The following LCT variants were observed in gnomAD, a reference collection of about 807,000 sequenced individuals.
LCT encodes the protein lactase.
LCT carries 90 observed loss-of-function variants against 173.0 expected under a neutral mutation model. That is an observed-to-expected ratio of 0.52 (90% CI 0.44 to 0.62). The LOEUF is 0.62. LCT is among the 20% of genes least tolerant of loss of function. The pLI is 0.00. For missense variants in LCT, 1,864 were observed against 2,431.4 expected, an observed-to-expected ratio of 0.77 and a Z score of 4.91; for synonymous variants, 853 against 957.6, an observed-to-expected ratio of 0.89 and a Z score of 2.02.
intron 14 of LCT, 136 bp downstream of exon 14, chr2:135,794,505 C>G (rs934425773): frequency 2.2e-6 from 2 of 910,722 alleles, no homozygotes; most frequent in African/African-American, 3.3e-5. Flanking sequence ...TGTGGGGTGG[C>G]GAGCATCTTG....
At position 135,808,747 on chromosome 2, in the gene LCT, C is replaced by T. The variant is rs775945344; in HGVS notation, c.3600G>A (p.Thr1200=). 4.6e-5 allele frequency: 75 copies of T among 1,614,022 alleles called. No individual in the cohort carries two copies. Among genetic ancestry groups the T allele is most frequent in the Non-Finnish European group, 5.5e-5 (65 of 1,180,010 alleles). The change falls in exon 8 of 17, where the codon ACG becomes ACA. Residue 1200 remains threonine (T), a synonymous_variant. Coordinates refer to ENST00000264162, the MANE Select transcript of LCT (RefSeq NM_002299.4). The stretch of plus-strand genomic sequence containing the variant: ...ACGTGTTGAGGCAGAAGACGTCGGC[C>T]GTCGCCCTGATGAACCTCTTCTCTT... ...TEEEKRFIRA[T]ADVFCLNTYY...
chr2:135,804,616 G>A, intron 10 of LCT, 151 bp downstream of exon 10: 1 of 787,796 alleles, frequency 1.3e-6, no homozygotes, highest in Non-Finnish European at 2.0e-6. Flanking sequence ...CTCCAGCCTG[G>A]GTGACAGAGC....
At position 135,790,778 on chromosome 2, in the gene LCT, C is replaced by T; in HGVS notation, c.5215G>A (p.Glu1739Lys). 1 of 1,613,968 alleles carries T rather than the reference C, an allele frequency of 6.2e-7. No homozygotes were observed. Among genetic ancestry groups the T allele is most frequent in the Non-Finnish European group, 8.5e-7 (1 of 1,179,918 alleles). The change falls in exon 15 of 17, where the codon GAA becomes AAA. Residue 1739 changes from glutamate (E) to lysine (K), a missense_variant. Around this residue, in one of 4 missense-constraint regions of LCT, gnomAD observed 514 missense variants for 750.1 expected, o/e 0.69. Coordinates refer to ENST00000264162, the MANE Select transcript of LCT (RefSeq NM_002299.4). This position sits in a 1 kb window ranked among gnomAD's most constrained non-coding sequence, Gnocchi z 4.1. ...FRRILNWLKEEYNDPPIYVTE... is the reference protein window; with the variant it reads ...FRRILNWLKEKYNDPPIYVTE... The stretch of plus-strand genomic sequence containing the variant: ...ACATAAATTGGAGGGTCATTGTATT[C>T]CTCCTTTAACCAGTTCAGGATCCTC...
chr2:135,834,345 C>A (rs2105559408), intron 1 of LCT, among the ~76,000 whole-genome samples: 1 of 151,982 alleles, frequency 6.6e-6, no homozygotes, highest in Middle Eastern at 3.4e-3. Context: ...GCTACCACGC[C>A]TCGCTAATTT....
intron 11 of LCT, among the ~76,000 whole-genome samples, chr2:135,802,178 C>T (rs1030728165): frequency 6.6e-6 from 1 of 152,158 alleles, no homozygotes; most frequent in Non-Finnish European, 1.5e-5. Flanking sequence ...CGATTTGAGG[C>T]ACATCTCCTG....
At chr2:135,791,459 G>A (rs1244209455) in intron 14 of LCT, among the ~76,000 whole-genome samples, 1 of 152,218 alleles carries the variant, frequency 6.6e-6, no homozygotes, top group African/African-American at 2.4e-5. Context: ...CCTGCCACAG[G>A]GGTGCCTGCT....
intron 13 of LCT, among the ~76,000 whole-genome samples, chr2:135,795,493 G>C (rs914237006): frequency 6.6e-6 from 1 of 151,982 alleles, no homozygotes; most frequent in Non-Finnish European, 1.5e-5. Flanking sequence ...ACAGGCATGA[G>C]CCACCACACC....
intron 10 of LCT, among the ~76,000 whole-genome samples, chr2:135,804,541 G>T (rs570652202): frequency 6.6e-6 from 1 of 152,294 alleles, no homozygotes; most frequent in African/African-American, 2.4e-5. Flanking sequence ...AATTAGCTGG[G>T]CATGGTGATG....
chr2:135,809,802 T>G lies in LCT; in HGVS notation c.2545A>C (p.Thr849Pro). The G allele has an allele frequency of 6.2e-7, 1 of 1,614,166 alleles. No homozygotes were observed. Among genetic ancestry groups the G allele is most frequent in the Non-Finnish European group, 8.5e-7 (1 of 1,180,030 alleles). Residue 849 changes from threonine to proline, a missense_variant, in exon 8 of 17, where the codon ACC (threonine) becomes CCC (proline). Coordinates refer to ENST00000264162, the MANE Select transcript of LCT (RefSeq NM_002299.4). The surrounding 1 kb of genome is among the most constrained non-coding windows in gnomAD (Gnocchi z 5.5). ...TSIIEKNGFL[T>P]KGAKRLLPPN... is the part of the protein sequence containing the mutation. ...GGTAGCAGTCTTTTTGCCCCCTTGG[T>G]GAGGAAACCGTTCTTTTCTATGATG...
chr2:135,836,617 G>A lies in LCT; in HGVS notation c.553C>T (p.Gln185Ter). 1 of 1,614,000 alleles carries A rather than the reference G, an allele frequency of 6.2e-7. No homozygotes were observed. The highest frequency in any genetic ancestry group is 8.5e-7 in the Non-Finnish European group (1 of 1,179,870). Residue 185 changes from glutamine to a stop codon, truncating the protein, a stop_gained, in exon 1 of 17, where the codon CAG (glutamine) becomes TAG (stop). Coordinates refer to ENST00000264162, the MANE Select transcript of LCT (RefSeq NM_002299.4). LOFTEE classifies it high-confidence loss of function. Reference protein sequence around the residue: ...LEEVIKELPHQESRASQLQTL... With the variant: ...LEEVIKELPH ...TGGAGTTGTGACGCTCTTGATTCCT[G>A]GTGGGGAAGCTCCTTGATCACTTCC...
chr2:135,807,303 C>A lies in LCT; in HGVS notation c.3998G>T (p.Gly1333Val), dbSNP rs2077684833. The change falls in exon 9 of 17, where the codon GGA (glycine) becomes GTA (valine). Residue 1333 changes from glycine to valine, a missense_variant. Gly to Val is a moderately radical substitution (Grantham distance 109). Around this residue, in one of 4 missense-constraint regions of LCT, gnomAD observed 755 missense variants for 926.3 expected, o/e 0.82. Coordinates refer to ENST00000264162, the MANE Select transcript of LCT (RefSeq NM_002299.4). ...EWLNGYTVKF[G>V]LYHVDFNNTN... The stretch of plus-strand genomic sequence containing the variant: ...GTTGTTGAAATCAACATGGTACAGT[C>A]CAAACTTGACCGTGTAGCCATTTAG... 6.2e-7 allele frequency: 1 copy of A among 1,614,178 alleles called. No homozygotes were observed. Among genetic ancestry groups the A allele is most frequent in the Non-Finnish European group, 8.5e-7 (1 of 1,180,026 alleles).
intron 13 of LCT, among the ~76,000 whole-genome samples, chr2:135,796,941 A>ATTTT (rs997582132): frequency 1.7e-5 from 2 of 118,752 alleles, no homozygotes; most frequent in African/African-American, 3.2e-5. Context: ...TGGGAGCTGG[A>ATTTT]TTTTTTTTTT....
chr2:135,790,711 T>C lies in LCT; in HGVS notation c.5282A>G (p.Asn1761Ser). Residue 1761 changes from asparagine to serine, a missense_variant, in exon 15 of 17, where the codon AAT (asparagine) becomes AGT (serine). By Grantham distance (46) the Asn-to-Ser change is conservative. This residue lies in a region of LCT where 514 missense variants were observed against 750.1 expected (regional missense o/e 0.69). Transcript: ENST00000264162. The surrounding 1 kb of genome is among the most constrained non-coding windows in gnomAD (Gnocchi z 4.1). ...GVSQREETDLNDTARIYYLRT... is the reference protein window; with the variant it reads ...GVSQREETDLSDTARIYYLRT... ...AAGGTAGTAGATCCTTGCAGTGTCA[T>C]TGAGGTCTGTTTCTTCCCGCTGGGA... The C allele has an allele frequency of 2.5e-6, 4 of 1,613,626 alleles. No individual in the cohort carries two copies. Among genetic ancestry groups the C allele is most frequent in the Non-Finnish European group, 3.4e-6 (4 of 1,179,976 alleles).
intron 1 of LCT, 59 bp downstream of exon 1, chr2:135,836,471 T>C (rs1446191483): frequency 2.0e-6 from 3 of 1,477,354 alleles, no homozygotes; most frequent in East Asian, 2.3e-5. Flanking sequence ...CTAAGGAGGA[T>C]GGGGAAGGTG....
Position 135,788,057 on chromosome 2 carries a change from C to G in LCT, c.*267G>C, listed in dbSNP as rs1323015325. ...TAAGTTCAATTAAGTGGTTCACAGA[C>G]CCACTAGACCAGTATCTACACGTTT... On this transcript the variant is annotated 3_prime_UTR_variant, in exon 17 of 17. Transcript: ENST00000264162. 2.0e-6 allele frequency: 1 copy of G among 489,256 alleles called. No homozygotes were observed. Among genetic ancestry groups the G allele is most frequent in the African/African-American group, 1.9e-5 (1 of 51,450 alleles). The allele number at this position is 489,256 out of a possible 1,614,324, so 30.3% of individuals were successfully genotyped here.
chr2:135,801,334 G>T (rs2077625988), intron 11 of LCT, among the ~76,000 whole-genome samples: 1 of 152,200 alleles, frequency 6.6e-6, no homozygotes, highest in Non-Finnish European at 1.5e-5. Flanking sequence ...AGAGACTAAA[G>T]AGATGGAATT....
At chr2:135,829,721 C>A (rs762335635) in intron 2 of LCT, 45 bp from the exon 3 acceptor site, 1 of 1,250,618 alleles carries the variant, frequency 8.0e-7, no homozygotes, top group Non-Finnish European at 1.2e-6. Flanking sequence ...TAAGCACTGT[C>A]AAGACTAACA....
At chr2:135,833,725 C>T (rs573584282) in intron 1 of LCT, among the ~76,000 whole-genome samples, 85 of 151,872 alleles carry the variant, frequency 5.6e-4, no homozygotes, top group Admixed American at 1.2e-3. Context: ...GGATTACAGG[C>T]GTGAGCCACC....
At chr2:135,803,429 A>G (rs2077643511) in intron 11 of LCT, among the ~76,000 whole-genome samples, 4 of 152,250 alleles carry the variant, frequency 2.6e-5, no homozygotes, top group Admixed American at 2.6e-4. Flanking sequence ...GGCCGCAGAC[A>G]GCTAGCTCTC....
Sources: gnomAD v4.1 joint callset for allele counts (sites outside exome capture counted in the v4.1 genomes callset) on GRCh38, gnomAD v4.1.1 for gene constraint, gnomAD v4.1.1 regional missense constraint, Gnocchi (gnomAD v3.1) non-coding constraint, MANE v1.5 for transcripts, NCBI Gene and HGNC (gene_info 2026-07-23, HGNC 2026-07-21) for gene names.